The following CEACAM4 variants were observed in gnomAD, a reference collection of about 807,000 sequenced individuals.
CEACAM4 encodes the protein CEA cell adhesion molecule 4, also known as cell adhesion molecule CEACAM4.
CEACAM4 carries 30 observed loss-of-function variants against 28.7 expected under a neutral mutation model. The ratio of observed to expected loss-of-function variants is 1.05; its 90% confidence interval spans 0.78 to 1.42. The LOEUF is 1.42. CEACAM4 is among the 40% of genes most tolerant of loss of function. The pLI, the probability that CEACAM4 is intolerant of heterozygous loss-of-function variation, is 0.00. For missense variants in CEACAM4, 330 were observed against 308.2 expected (o/e 1.07, Z -0.53); for synonymous variants, 143 against 126.5 (o/e 1.13, Z -0.87).
chr19:41,616,524 GATA>G (rs2070986199), downstream of CEACAM4, among the ~76,000 whole-genome samples: 1 of 148,626 alleles, frequency 6.7e-6, no homozygotes. Context: ...TAGATAGATA[GATA>G]GATAGATAGA....
At chr19:41,623,118 G>A (rs1160137861) in intron 2 of CEACAM4, among the ~76,000 whole-genome samples, 2 of 152,216 alleles carry the variant, frequency 1.3e-5, no homozygotes, top group Non-Finnish European at 2.9e-5. Context: ...ACAGGTTCAA[G>A]CAATTCTCCT....
intron 2 of CEACAM4, among the ~76,000 whole-genome samples, chr19:41,624,424 G>A (rs782309894): frequency 3.3e-5 from 5 of 152,174 alleles, no homozygotes; most frequent in Middle Eastern, 3.2e-3. Context: ...CCAGAGATGC[G>A]GGGTGTGGAC....
At chr19:41,621,567 G>T in intron 3 of CEACAM4, 84 bp downstream of exon 3, 1 of 710,572 alleles carries the variant, frequency 1.4e-6, no homozygotes. Flanking sequence ...GGAAAGCCTG[G>T]CCCTGAATAC....
downstream of CEACAM4, among the ~76,000 whole-genome samples, chr19:41,618,670 A>G (rs1458694848): frequency 6.6e-6 from 1 of 152,176 alleles, no homozygotes; most frequent in Non-Finnish European, 1.5e-5. Context: ...TTGCTCCCGC[A>G]TTGCTCACCT....
intron 2 of CEACAM4, 77 bp from the exon 3 acceptor site, chr19:41,621,845 G>T: frequency 1.2e-6 from 1 of 820,808 alleles, no homozygotes; most frequent in Non-Finnish European, 2.1e-6. Flanking sequence ...TGCAGGGCAG[G>T]GGCATAGTCA....
At position 41,619,687 on chromosome 19, in the gene CEACAM4, C is replaced by G; in HGVS notation, c.652G>C (p.Ala218Pro). ...ACACTCACCTCATAGATGGGAGTGG[C>G]TGTTCTGGGGCTGGGTAGAGGGGCC... ...FSAPLPSPRT[A>P]TPIYEELLYS... Residue 218 changes from alanine (A) to proline (P), a missense_variant, in exon 6 of 7, where the codon GCC becomes CCC. Ala to Pro is a conservative substitution (Grantham distance 27). Transcript: ENST00000221954. 1 of 1,593,456 alleles carries G rather than the reference C, an allele frequency of 6.3e-7. No individual in the cohort carries two copies. Among genetic ancestry groups the G allele is most frequent in the South Asian group, 1.1e-5 (1 of 87,832 alleles).
chr19:41,624,904 T>C (rs781928177), intron 2 of CEACAM4, among the ~76,000 whole-genome samples: 3 of 152,200 alleles, frequency 2.0e-5, no homozygotes, highest in Non-Finnish European at 4.4e-5. Context: ...CCCCTGGGCA[T>C]GATCCCCGGT....
At chr19:41,619,553 C>G (rs1555800202) in intron 6 of CEACAM4, 117 bp downstream of exon 6, 1 of 1,544,482 alleles carries the variant, frequency 6.5e-7, no homozygotes, top group Admixed American at 2.0e-5. Context: ...TGCTCACCAC[C>G]ACCTGTTCTC....
rs782172302 is a variant in CEACAM4, at chr19:41,621,755, T to G, written c.438A>C (p.Pro146=). 6.2e-7 allele frequency: 1 copy of G among 1,607,700 alleles called. No homozygotes were observed. The highest frequency in any genetic ancestry group is 8.5e-7 in the Non-Finnish European group (1 of 1,175,264). ...CAGCGACGGCCCCCACAGGAAGGCC[T>G]GGGACGTTGTTTTCTGCAGAAAGGG... is the stretch of plus-strand genomic sequence containing the variant. ...GQLHVHQNNV[P]GLPVGAVAGI... Residue 146 remains proline, a synonymous_variant, in exon 3 of 7, where the codon CCA becomes CCC. Transcript: ENST00000221954.
Position 41,621,665 on chromosome 19 carries a change from G to A in CEACAM4, c.528C>T (p.Leu176=). 4 of 1,600,786 alleles carry A rather than the reference G, an allele frequency of 2.5e-6. No individual in the cohort carries two copies. The highest frequency in any genetic ancestry group is 2.6e-6 in the Non-Finnish European group (3 of 1,167,930). ...AGCTGCGGTACCTTCCAGTCCTGGAGAGAAGCAGAAAACACACCAGGGCGG... is the reference window on the plus strand; with the variant it reads ...AGCTGCGGTACCTTCCAGTCCTGGAAAGAAGCAGAAAACACACCAGGGCGG... ...LVAALVCFLL[L]SRTGRASIQR... The change falls in exon 3 of 7, where the codon CTC becomes CTT. Residue 176 remains leucine (L), a synonymous_variant. Transcript: ENST00000221954.
chr19:41,621,968 G>A (rs2071320237), intron 2 of CEACAM4, among the ~76,000 whole-genome samples, 200 bp from the exon 3 acceptor site: 1 of 152,166 alleles, frequency 6.6e-6, no homozygotes, highest in African/African-American at 2.4e-5. Flanking sequence ...TTGACACACT[G>A]GGATGTACCA....
At chr19:41,622,888 A>T (rs1442292533) in intron 2 of CEACAM4, among the ~76,000 whole-genome samples, 1 of 126,598 alleles carries the variant, frequency 7.9e-6, no homozygotes, top group Non-Finnish European at 1.6e-5. Context: ...ATAGATAGAT[A>T]GATAGATAGA....
At position 41,625,651 on chromosome 19, in the gene CEACAM4, A is replaced by G. The variant is rs140602685; in HGVS notation, c.374T>C (p.Ile125Thr). 3.0e-5 allele frequency: 48 copies of G among 1,602,870 alleles called. No homozygotes were observed. Among genetic ancestry groups the G allele is most frequent in the Non-Finnish European group, 3.2e-5 (38 of 1,173,322 alleles). ...TTGGTCAGAGTCGTAACTGGCATTT[A>G]TGGTTCGTAGGGTGTAGGATCCTGC... ...EDAGSYTLRT[I>T]NASYDSDQAT... Residue 125 changes from isoleucine (I) to threonine (T), a missense_variant, in exon 2 of 7, where the codon ATA (isoleucine) becomes ACA (threonine). Coordinates refer to ENST00000221954, the MANE Select transcript of CEACAM4 (RefSeq NM_001817.4).
downstream of CEACAM4, among the ~76,000 whole-genome samples, chr19:41,617,828 C>T (rs572900160): frequency 1.3e-5 from 2 of 152,312 alleles, no homozygotes; most frequent in South Asian, 4.2e-4. Flanking sequence ...TGTCACTAAG[C>T]TTGTGGTAAT....
chr19:41,619,371 T>C lies in CEACAM4; in HGVS notation c.694A>G (p.Ile232Val), dbSNP rs782291088. ...YEELLYSDAN[I>V]YCQIDHKADV... is the part of the protein sequence containing the mutation. ...GCTTTGTGGTCGATCTGGCAGTAAA[T>C]GTTTGCATCAGAGTATAGCAATTCC... is the stretch of plus-strand genomic sequence containing the variant. Residue 232 changes from isoleucine to valine, a missense_variant, in exon 7 of 7, where the codon ATT becomes GTT. By Grantham distance (29) the Ile-to-Val change is conservative. Transcript: ENST00000221954. 1 of 1,614,068 alleles carries C rather than the reference T, an allele frequency of 6.2e-7. No individual in the cohort carries two copies. The highest frequency in any genetic ancestry group is 1.1e-5 in the South Asian group (1 of 91,078).
chr19:41,623,075 G>A (rs1281697678), intron 2 of CEACAM4, among the ~76,000 whole-genome samples: 1 of 152,172 alleles, frequency 6.6e-6, no homozygotes, highest in African/African-American at 2.4e-5. Flanking sequence ...GGAGTGCAGT[G>A]GCACAATCTA....
At chr19:41,621,930 C>T (rs73931735) in intron 2 of CEACAM4, among the ~76,000 whole-genome samples, 162 bp from the exon 3 acceptor site, 2,291 of 152,272 alleles carry the variant, frequency 0.015, 58 homozygotes, top group African/African-American at 0.052. Context: ...TTGCTCTCCA[C>T]GGTTGCACCA....
downstream of CEACAM4, among the ~76,000 whole-genome samples, chr19:41,615,703 A>G (rs1331705044): frequency 6.6e-6 from 1 of 151,918 alleles, no homozygotes; most frequent in Non-Finnish European, 1.5e-5. Context: ...GAGTGTGAGG[A>G]CAGGACAGAG....
intron 2 of CEACAM4, 51 bp downstream of exon 2, chr19:41,625,550 T>C: frequency 6.5e-7 from 1 of 1,537,704 alleles, no homozygotes; most frequent in African/African-American, 1.4e-5. Context: ...ATCTCATGTG[T>C]GTGAAGCAGA....
Sources: allele counts gnomAD v4.1 joint callset (sites outside exome capture counted in the v4.1 genomes callset), GRCh38; gene constraint gnomAD v4.1.1; transcripts MANE v1.5; gene names NCBI Gene and HGNC (gene_info 2026-07-23, HGNC 2026-07-21).